Variants in CDH2 observed in about 807,000 individuals in gnomAD.
CDH2 encodes cadherin-2.
A neutral mutation model predicts 92.0 loss-of-function variants in CDH2; 17 were observed. That is an observed-to-expected ratio of 0.18 (90% confidence interval 0.13 to 0.28). CDH2 has a LOEUF of 0.28. CDH2 is among the 10% of genes least tolerant of loss of function. The pLI, the probability that CDH2 is intolerant of heterozygous loss-of-function variation, is 1.00. For missense variants in CDH2, 862 were observed against 1,133.1 expected (o/e 0.76, Z 3.44); for synonymous variants, 419 against 415.9 (o/e 1.01, Z -0.09).
rs544359779 is a variant in CDH2, at chr18:28,032,998, A to G, written c.173-19089T>C. ...AATAAGTAACATAATGGGCAAAACT[A>G]AAGTGCTTAATAATTACATTTCAAG... On this transcript the variant is annotated intron_variant, in intron 2 of 15. Transcript: ENST00000269141. 1.1e-4 allele frequency among the ~76,000 whole-genome samples: 17 copies of G among 152,266 alleles called. No individual in the cohort carries two copies. In the East Asian group the frequency reaches 2.9e-3, roughly 26 times the overall value.
chr18:28,134,268 A>C (rs2015825237), intron 2 of CDH2, among the ~76,000 whole-genome samples: 1 of 152,066 alleles, frequency 6.6e-6, no homozygotes, highest in African/African-American at 2.4e-5. Context: ...AAAAGAAAAA[A>C]AGAATTTATA....
chr18:28,171,825 G>A (rs1407598582), intron 1 of CDH2, among the ~76,000 whole-genome samples: 2 of 152,076 alleles, frequency 1.3e-5, no homozygotes, highest in Non-Finnish European at 2.9e-5. Context: ...ATGAGGTCAC[G>A]GGACTTTAAG....
chr18:28,149,176 C>T (rs2016083274), intron 1 of CDH2, among the ~76,000 whole-genome samples: 1 of 152,112 alleles, frequency 6.6e-6, no homozygotes, highest in Admixed American at 6.5e-5. Context: ...GATATATCCT[C>T]CATATTCCTA....
intron 2 of CDH2, among the ~76,000 whole-genome samples, chr18:28,114,835 T>TA (rs953488662): frequency 1.6e-4 from 24 of 150,126 alleles, no homozygotes; most frequent in South Asian, 1.5e-3. Context: ...TCCATCTTCT[T>TA]AAAAAAAAAT....
intron 2 of CDH2, among the ~76,000 whole-genome samples, chr18:28,088,425 T>C (rs1011857764): frequency 2.6e-5 from 4 of 152,212 alleles, no homozygotes; most frequent in African/African-American, 9.6e-5. Context: ...CCATAATTTT[T>C]TTCATTCGAA....
At chr18:28,072,863 A>G (rs11564407) in intron 2 of CDH2, among the ~76,000 whole-genome samples, 7,689 of 152,310 alleles carry the variant, frequency 0.05, 669 homozygotes, top group African/African-American at 0.18. Context: ...ATCAATGTTC[A>G]AAAGTATATA....
chr18:27,933,642 G>A (rs540964646), intron 6 of CDH2, among the ~76,000 whole-genome samples: 1 of 152,320 alleles, frequency 6.6e-6, no homozygotes, highest in East Asian at 1.9e-4. Flanking sequence ...GCCCAACATT[G>A]TGGCTTTTAC....
At chr18:28,138,653 C>A (rs1371701481) in intron 2 of CDH2, among the ~76,000 whole-genome samples, 3 of 152,040 alleles carry the variant, frequency 2.0e-5, no homozygotes, top group Admixed American at 1.3e-4. Flanking sequence ...GTTCCTACTA[C>A]AGGGATTTTG....
At chr18:28,094,973 CAT>C (rs1019079087) in intron 2 of CDH2, among the ~76,000 whole-genome samples, 2 of 151,982 alleles carry the variant, frequency 1.3e-5, no homozygotes, top group South Asian at 2.1e-4. Flanking sequence ...TGTTATATGA[CAT>C]GTTATAACAT....
In CDH2 at chr18:28,118,303, G is replaced by T. The variant is rs1166360592; in HGVS notation, c.172+29370C>A. On this transcript the variant is annotated intron_variant, in intron 2 of 15. Transcript: ENST00000269141. ...GGAATTAGGAACAAATGCTGATTTT[G>T]CCACAAATGCACTGCTGCACATTTA... 2.6e-5 allele frequency among the ~76,000 whole-genome samples: 4 copies of T among 152,168 alleles called. No individual in the cohort carries two copies. The East Asian group carries it at 7.7e-4, about 29-fold the overall frequency.
chr18:28,014,342 C>T (rs752813825), intron 2 of CDH2, among the ~76,000 whole-genome samples: 1 of 152,172 alleles, frequency 6.6e-6, no homozygotes, highest in African/African-American at 2.4e-5. Flanking sequence ...GTTTCTTAGT[C>T]ATGTCTGACA....
chr18:28,035,637 T>G (rs2013807079), intron 2 of CDH2, among the ~76,000 whole-genome samples: 1 of 152,096 alleles, frequency 6.6e-6, no homozygotes, highest in Admixed American at 6.6e-5. Context: ...ATTAGACAAC[T>G]AAATACAGGT....
chr18:27,969,367 G>A (rs1457769386), intron 14 of CDH2, among the ~76,000 whole-genome samples: 2 of 152,174 alleles, frequency 1.3e-5, no homozygotes, highest in Non-Finnish European at 2.9e-5. Flanking sequence ...AACAGTCATT[G>A]TTTCTGCCCC....
At chr18:28,111,438 G>A (rs1226544813) in intron 2 of CDH2, among the ~76,000 whole-genome samples, 1 of 152,188 alleles carries the variant, frequency 6.6e-6, no homozygotes, top group Non-Finnish European at 1.5e-5. Context: ...TAAGAATGTT[G>A]TCCACATCAA....
chr18:28,171,117 C>T (rs1209391098), intron 1 of CDH2, among the ~76,000 whole-genome samples: 2 of 151,774 alleles, frequency 1.3e-5, no homozygotes, highest in African/African-American at 4.8e-5. Context: ...GTAATCCCAG[C>T]TACACAGGAG....
intron 2 of CDH2, among the ~76,000 whole-genome samples, chr18:28,080,722 C>T (rs1237323152): frequency 6.6e-6 from 1 of 152,208 alleles, no homozygotes; most frequent in Non-Finnish European, 1.5e-5. Context: ...ATGCAATACT[C>T]CTTCACTCAA....
At chr18:27,998,049 G>A (rs574448982) in intron 7 of CDH2, among the ~76,000 whole-genome samples, 106 of 152,096 alleles carry the variant, frequency 7.0e-4, no homozygotes, top group African/African-American at 1.2e-3. Flanking sequence ...CTCGTGATCC[G>A]CCCACCTTGG....
Position 27,963,391 on chromosome 18 carries a change from G to C in CDH2, c.2480C>G (p.Pro827Arg). 1 of 1,614,046 alleles carries C rather than the reference G, an allele frequency of 6.2e-7. No individual in the cohort carries two copies. Reference protein sequence around the residue: ...EPQYPVRSAAPHPGDIGDFIN... With the variant: ...EPQYPVRSAARHPGDIGDFIN... ...GAAGTCCCCAATGTCTCCAGGGTGT[G>C]GGGCTGCAGATCGGACCGGATACTG... is the stretch of plus-strand genomic sequence containing the variant. Residue 827 changes from proline (P) to arginine (R), a missense_variant, in exon 15 of 16, where the codon CCA (proline) becomes CGA (arginine). By Grantham distance (103) the Pro-to-Arg change is moderately radical (BLOSUM62 -2). Transcript: ENST00000269141.
rs748700492 is a variant in CDH2, at chr18:27,990,111, C to G, written c.1584G>C (p.Met528Ile). 1 of 1,613,896 alleles carries G rather than the reference C, an allele frequency of 6.2e-7. No homozygotes were observed. The highest frequency in any genetic ancestry group is 1.1e-5 in the South Asian group (1 of 91,074). Residue 528 changes from methionine (M) to isoleucine (I), a missense_variant, in exon 10 of 16, where the codon ATG (methionine) becomes ATC (isoleucine). Physicochemically the swap from Met to Ile is conservative, Grantham distance 10 (BLOSUM62 1). Around this residue, in one of 5 missense-constraint regions of CDH2, gnomAD observed 564 missense variants for 722.2 expected, o/e 0.78. Coordinates refer to ENST00000269141, the MANE Select transcript of CDH2 (RefSeq NM_001792.5). The stretch of plus-strand genomic sequence containing the variant: ...GCATTTCATACCTAATATTTTGCTG[C>G]ATATATCGATCTGGGTCCTGAGCAG... ...TFTAQDPDRY[M>I]QQNIRYTKLS...
Sources: gnomAD v4.1 joint callset for allele counts (sites outside exome capture counted in the v4.1 genomes callset) on GRCh38, gnomAD v4.1.1 for gene constraint, gnomAD v4.1.1 regional missense constraint, MANE v1.5 for transcripts, NCBI Gene and HGNC (gene_info 2026-07-23, HGNC 2026-07-21) for gene names.